Variants in CNTN4 observed in about 807,000 individuals in gnomAD.
CNTN4 encodes the protein contactin-4.
A neutral mutation model predicts 122.5 loss-of-function variants in CNTN4; 77 were observed. The ratio of observed to expected loss-of-function variants is 0.63; its 90% CI spans 0.52 to 0.76. CNTN4 has a LOEUF of 0.76. Among genes scored for constraint, CNTN4 ranks in the 30% least tolerant of loss-of-function variants. The pLI is 0.00. For synonymous variants in CNTN4, 512 were observed against 447.0 expected (o/e 1.15, Z -1.83); for missense variants, 1,256 against 1,259.1 (o/e 1.00, Z 0.04).
chr3:2,845,548 A>C (rs1032748644), intron 7 of CNTN4, among the ~76,000 whole-genome samples: 1 of 152,192 alleles, frequency 6.6e-6, no homozygotes, highest in Non-Finnish European at 1.5e-5. Flanking sequence ...ACTTCTAGCA[A>C]CTTTTAAAAT....
chr3:2,529,671 G>A (rs2077525594), intron 3 of CNTN4, among the ~76,000 whole-genome samples: 1 of 151,958 alleles, frequency 6.6e-6, no homozygotes. Context: ...TTTTTCACAG[G>A]TAGGTTGATC....
intron 2 of CNTN4, among the ~76,000 whole-genome samples, chr3:2,299,854 T>A (rs1430403486): frequency 6.6e-6 from 1 of 152,190 alleles, no homozygotes; most frequent in Non-Finnish European, 1.5e-5. Context: ...TAAAACATAA[T>A]AGTAAATATG....
At chr3:2,297,459 A>G (rs996538424) in intron 2 of CNTN4, among the ~76,000 whole-genome samples, 2 of 152,192 alleles carry the variant, frequency 1.3e-5, no homozygotes, top group African/African-American at 4.8e-5. Flanking sequence ...ACAGTGAGAT[A>G]AGATAAATCA....
At chr3:2,903,085 T>G in intron 12 of CNTN4, 80 bp downstream of exon 12, 1 of 1,436,548 alleles carries the variant, frequency 7.0e-7, no homozygotes, top group Admixed American at 1.8e-5. Flanking sequence ...CAAGCATAAA[T>G]GTTCAATCCA....
intron 2 of CNTN4, among the ~76,000 whole-genome samples, chr3:2,173,320 A>G (rs1372058794): frequency 2.6e-5 from 4 of 152,178 alleles, no homozygotes; most frequent in Non-Finnish European, 5.9e-5. Context: ...GATGGACTTC[A>G]GCCAAGACAT....
At chr3:2,259,690 G>T (rs2040744480) in intron 2 of CNTN4, among the ~76,000 whole-genome samples, 1 of 151,850 alleles carries the variant, frequency 6.6e-6, no homozygotes, top group Admixed American at 6.6e-5. Flanking sequence ...AGAACAGTAT[G>T]GGGCAAACCA....
At chr3:2,814,515 A>T in intron 6 of CNTN4, among the ~76,000 whole-genome samples, 1 of 152,226 alleles carries the variant, frequency 6.6e-6, no homozygotes, top group East Asian at 1.9e-4. Flanking sequence ...CACAAAGAAA[A>T]GCAGAGGAAT....
At chr3:2,159,655 T>C (rs1339351290) in intron 2 of CNTN4, among the ~76,000 whole-genome samples, 2 of 152,208 alleles carry the variant, frequency 1.3e-5, no homozygotes, top group African/African-American at 4.8e-5. Context: ...TATTGCAGCA[T>C]CTTACCGTGT....
At chr3:2,742,160 C>T (rs2089491448) in intron 5 of CNTN4, among the ~76,000 whole-genome samples, 1 of 150,368 alleles carries the variant, frequency 6.7e-6, no homozygotes, top group Admixed American at 6.7e-5. Flanking sequence ...GAAGAAATTC[C>T]GAAGTGAGTC....
At chr3:2,426,528 C>A (rs2047839484) in intron 3 of CNTN4, among the ~76,000 whole-genome samples, 1 of 150,906 alleles carries the variant, frequency 6.6e-6, no homozygotes. Flanking sequence ...GTCTGAAATT[C>A]TCTTTTTTTT....
In CNTN4 at chr3:2,746,187, C is replaced by T. The variant is rs150204454; in HGVS notation, c.358+490C>T. The stretch of plus-strand genomic sequence containing the variant: ...AGAGTCAATAAGAGAAATACTTTAA[C>T]GATAAAGGTGAGAGTTGGAAAAAAA... On this transcript the variant is annotated intron_variant, in intron 6 of 24. Transcript: ENST00000418658. Among the ~76,000 whole-genome samples, 718 of 116,238 alleles carry T rather than the reference C, an allele frequency of 6.2e-3. 8 individuals carry two copies. The highest frequency in any genetic ancestry group is 0.019 in the African/African-American group (675 of 34,646). 76.3% of individuals were successfully genotyped at this position (116,238 alleles called of 152,430 possible). A position where few individuals can be genotyped will look rare whatever the true frequency, so the allele number is the denominator to read the frequency against.
intron 8 of CNTN4, among the ~76,000 whole-genome samples, chr3:2,877,733 G>A (rs1410507959): frequency 1.3e-5 from 2 of 152,142 alleles, no homozygotes; most frequent in Non-Finnish European, 2.9e-5. Flanking sequence ...GCCTACTTCT[G>A]TAAATCACTA....
At chr3:2,675,717 A>G (rs965497637) in intron 4 of CNTN4, among the ~76,000 whole-genome samples, 5 of 152,190 alleles carry the variant, frequency 3.3e-5, no homozygotes, top group African/African-American at 2.4e-5. Flanking sequence ...GAGGGAAAGC[A>G]TCTAACAGGG....
chr3:2,553,274 G>C (rs539211639), intron 3 of CNTN4, among the ~76,000 whole-genome samples: 1 of 152,262 alleles, frequency 6.6e-6, no homozygotes, highest in East Asian at 1.9e-4. Context: ...GACTGGGTTT[G>C]TATGTTCCAA....
At chr3:2,499,585 T>C (rs1366083872) in intron 3 of CNTN4, among the ~76,000 whole-genome samples, 2 of 152,184 alleles carry the variant, frequency 1.3e-5, no homozygotes, top group Non-Finnish European at 2.9e-5. Context: ...CTTGTATTCA[T>C]TGATCTATGT....
At chr3:2,604,766 C>G (rs920833416) in intron 4 of CNTN4, among the ~76,000 whole-genome samples, 1 of 152,068 alleles carries the variant, frequency 6.6e-6, no homozygotes, top group African/African-American at 2.4e-5. Context: ...ACCCATGAAA[C>G]CATCATCACA....
At chr3:2,769,033 A>C (rs1176523549) in intron 6 of CNTN4, among the ~76,000 whole-genome samples, 1 of 152,236 alleles carries the variant, frequency 6.6e-6, no homozygotes, top group African/African-American at 2.4e-5. Flanking sequence ...CCAAAGAAAC[A>C]CATCCTTACT....
chr3:2,321,186 C>T (rs2043265375), intron 2 of CNTN4, among the ~76,000 whole-genome samples: 1 of 152,116 alleles, frequency 6.6e-6, no homozygotes, highest in Non-Finnish European at 1.5e-5. Context: ...CCCTTATAAA[C>T]ATGTCTTTGT....
chr3:2,851,024 T>G (rs2093540949), intron 7 of CNTN4, among the ~76,000 whole-genome samples: 1 of 152,220 alleles, frequency 6.6e-6, no homozygotes, highest in African/African-American at 2.4e-5. Flanking sequence ...TTAGCCAATT[T>G]AAAGTGACAG....
Sources: gnomAD v4.1 joint callset for allele counts (sites outside exome capture counted in the v4.1 genomes callset) on GRCh38, gnomAD v4.1.1 for gene constraint, MANE v1.5 for transcripts, NCBI Gene and HGNC (gene_info 2026-07-23, HGNC 2026-07-21) for gene names.